CLMP: variants seen among roughly 807,000 people sequenced by gnomAD.
The protein encoded by CLMP is CXADR-like membrane protein.
In CLMP, 27 loss-of-function variants were observed where a neutral mutation model predicts 45.2. That is an observed-to-expected ratio of 0.60 (90% CI 0.44 to 0.82). CLMP has a LOEUF of 0.82. Ranked by LOEUF, CLMP falls within the 40% of genes least tolerant of loss-of-function variation. The probability of loss-of-function intolerance (pLI) is 0.00; values close to 1 mark genes in which losing one functional copy is unlikely to be tolerated. For synonymous variants in CLMP, 167 were observed against 171.4 expected, an observed-to-expected ratio of 0.97 and a Z score of 0.20; for missense variants, 403 against 448.4, an observed-to-expected ratio of 0.90 and a Z score of 0.91.
At chr11:123,155,622 A>G (rs147200599) in intron 1 of CLMP, among the ~76,000 whole-genome samples, 6 of 152,334 alleles carry the variant, frequency 3.9e-5, no homozygotes, top group African/African-American at 1.4e-4. Context: ...TTTTCAAAAC[A>G]TACATTCTTT....
At chr11:123,156,429 C>A (rs1565399289) in intron 1 of CLMP, among the ~76,000 whole-genome samples, 2 of 152,344 alleles carry the variant, frequency 1.3e-5, no homozygotes, top group East Asian at 3.9e-4. Context: ...CAAACTCGGG[C>A]ATGATCTTGA....
At chr11:123,114,637 T>C (rs1487374223) in intron 1 of CLMP, among the ~76,000 whole-genome samples, 1 of 152,094 alleles carries the variant, frequency 6.6e-6, no homozygotes, top group African/African-American at 2.4e-5. Context: ...AATCATGTCC[T>C]ACATGATAAA....
chr11:123,121,460 T>C (rs1860816998), intron 1 of CLMP, among the ~76,000 whole-genome samples: 2 of 151,852 alleles, frequency 1.3e-5, no homozygotes, highest in East Asian at 1.9e-4. Context: ...ACCAGGCCCA[T>C]CTAATTTTTG....
intron 1 of CLMP, among the ~76,000 whole-genome samples, chr11:123,133,514 T>C (rs1861021868): frequency 6.6e-6 from 1 of 152,214 alleles, no homozygotes; most frequent in African/African-American, 2.4e-5. Context: ...TTCTTGGCTA[T>C]AAACTTCCAC....
chr11:123,150,490 AGG>A (rs1491522432), intron 1 of CLMP, among the ~76,000 whole-genome samples: 5 of 122,984 alleles, frequency 4.1e-5, no homozygotes, highest in Admixed American at 8.0e-5. Context: ...AAAGGAAGGA[AGG>A]AAGGAAGGAA....
chr11:123,108,441 C>T (rs1166479087), intron 1 of CLMP, among the ~76,000 whole-genome samples: 2 of 152,186 alleles, frequency 1.3e-5, no homozygotes, highest in African/African-American at 2.4e-5. Flanking sequence ...ATATTTGTTC[C>T]TAGAGTCCTT....
intron 1 of CLMP, among the ~76,000 whole-genome samples, chr11:123,137,141 C>G (rs369406685): frequency 1.2e-3 from 126 of 108,906 alleles, no homozygotes; most frequent in African/African-American, 4.7e-3. Flanking sequence ...CTCTTTTTTT[C>G]TTTTTCTTTT....
intron 1 of CLMP, among the ~76,000 whole-genome samples, chr11:123,162,534 A>G (rs984105585): frequency 1.3e-5 from 2 of 152,152 alleles, no homozygotes; most frequent in African/African-American, 4.8e-5. Context: ...GGAGCAAGAC[A>G]CCGTCAGAGG....
intron 2 of CLMP, among the ~76,000 whole-genome samples, chr11:123,089,815 C>A (rs922367025): frequency 6.9e-6 from 1 of 144,742 alleles, no homozygotes; most frequent in African/African-American, 2.6e-5. Flanking sequence ...AGAAACAAAA[C>A]AAGGCTGGGC....
chr11:123,078,615 T>C (rs1370701718), intron 5 of CLMP, among the ~76,000 whole-genome samples: 1 of 150,714 alleles, frequency 6.6e-6, no homozygotes, highest in African/African-American at 2.4e-5. Flanking sequence ...CCCAGCTAAG[T>C]TTTGTTTTTT....
At chr11:123,092,249 T>C (rs149607875) in intron 2 of CLMP, among the ~76,000 whole-genome samples, 1 of 151,612 alleles carries the variant, frequency 6.6e-6, no homozygotes, top group Non-Finnish European at 1.5e-5. Flanking sequence ...TTTTCCTCGC[T>C]TTCCCTAAAA....
rs146616008 is a variant in CLMP, at chr11:123,156,998, A to G, written c.28+37915T>C. On this transcript the variant is annotated intron_variant, in intron 1 of 6. Coordinates refer to ENST00000448775, the MANE Select transcript of CLMP (RefSeq NM_024769.5). ...ATTAGGAACAGAAACACTGAGGGATACATTTACTCCCAGGAAAACAGAGGA... is the reference window on the plus strand; with the variant it reads ...ATTAGGAACAGAAACACTGAGGGATGCATTTACTCCCAGGAAAACAGAGGA... 3.3e-3 allele frequency among the ~76,000 whole-genome samples: 501 copies of G among 152,340 alleles called. 5 individuals are homozygous for G. Among genetic ancestry groups the G allele is most frequent in the African/African-American group, 0.012 (479 of 41,586 alleles).
intron 5 of CLMP, among the ~76,000 whole-genome samples, chr11:123,081,341 T>A (rs1358851581): frequency 6.6e-6 from 1 of 152,198 alleles, no homozygotes. Context: ...GTTTATCCTG[T>A]CTTTTTTCAA....
chr11:123,124,215 T>C (rs1184701393), intron 1 of CLMP, among the ~76,000 whole-genome samples: 4 of 152,120 alleles, frequency 2.6e-5, no homozygotes, highest in African/African-American at 9.7e-5. Context: ...GGGGTCTTGC[T>C]ATGTTCCCTA....
At chr11:123,114,632 T>C (rs1043004506) in intron 1 of CLMP, among the ~76,000 whole-genome samples, 4 of 152,074 alleles carry the variant, frequency 2.6e-5, no homozygotes, top group African/African-American at 9.7e-5. Context: ...AGGAAAATCA[T>C]GTCCTACATG....
At chr11:123,151,300 G>A (rs545589248) in intron 1 of CLMP, among the ~76,000 whole-genome samples, 8 of 152,324 alleles carry the variant, frequency 5.3e-5, no homozygotes, top group African/African-American at 1.7e-4. Flanking sequence ...ATATGGAAAT[G>A]GCTGTCACCT....
At chr11:123,084,843 G>T in intron 2 of CLMP, 130 bp from the exon 3 acceptor site, 1 of 699,602 alleles carries the variant, frequency 1.4e-6, no homozygotes, top group East Asian at 2.6e-5. Context: ...GAGTCCAAGA[G>T]ACCTCTGTTC....
intron 1 of CLMP, among the ~76,000 whole-genome samples, chr11:123,153,968 G>A (rs1271924116): frequency 6.6e-6 from 1 of 151,804 alleles, no homozygotes; most frequent in Non-Finnish European, 1.5e-5. Flanking sequence ...TTACAGGCGT[G>A]AGCCACCTCT....
intron 1 of CLMP, among the ~76,000 whole-genome samples, chr11:123,141,543 T>C (rs888505740): frequency 2.6e-5 from 4 of 152,106 alleles, no homozygotes; most frequent in African/African-American, 9.7e-5. Flanking sequence ...TTCCTTGTGC[T>C]GTGACAGTCA....
Sources: allele counts gnomAD v4.1 joint callset (sites outside exome capture counted in the v4.1 genomes callset), GRCh38; gene constraint gnomAD v4.1.1; transcripts MANE v1.5; gene names NCBI Gene and HGNC (gene_info 2026-07-23, HGNC 2026-07-21).